Variants in ADGRD2 observed in about 807,000 individuals in gnomAD.
The protein encoded by ADGRD2 is G protein-coupled receptor PGR24.
Under a neutral mutation model 44.4 loss-of-function variants are expected in ADGRD2, and 71 were observed. The observed-to-expected ratio is 1.60, with a 90% CI of 1.32 to 1.95. The LOEUF (loss-of-function observed/expected upper bound fraction) is 1.95, where lower values mean the gene tolerates loss of function less well. Among genes scored for constraint, ADGRD2 ranks in the 30% most tolerant of loss-of-function variants. The probability of loss-of-function intolerance (pLI) is 0.00; values close to 1 mark genes in which losing one functional copy is unlikely to be tolerated. For synonymous variants in ADGRD2, 481 were observed against 224.8 expected (o/e 2.14, Z -10.19); for missense variants, 1,039 against 512.4 (o/e 2.03, Z -9.92).
At chr9:124,468,032 G>T in intron 12 of ADGRD2, 56 bp from the exon 16 acceptor site, 4 of 718,050 alleles carry the variant, frequency 5.6e-6, no homozygotes, top group Non-Finnish European at 1.0e-5. Flanking sequence ...AGGGCCCTAC[G>T]GGGTGTGGGG....
At chr9:124,468,739 C>T in intron 14 of ADGRD2, 67 bp downstream of exon 17, 1 of 658,348 alleles carries the variant, frequency 1.5e-6, no homozygotes, top group Non-Finnish European at 2.8e-6. Flanking sequence ...ACCCTGCCAT[C>T]TAACATGGCC....
intron 10 of ADGRD2, among the ~76,000 whole-genome samples, chr9:124,459,096 A>T (rs1831675537): frequency 6.6e-6 from 1 of 152,202 alleles, no homozygotes; most frequent in Non-Finnish European, 1.5e-5. Flanking sequence ...CAGTGAATTC[A>T]TTCATTCACT....
rs569785637 is a variant in ADGRD2, at chr9:124,470,396, C to A, written c.2638-98C>A. On this transcript the variant is annotated intron_variant, in intron 16 of 21. Transcript: ENST00000334810. ...CCATGGTCCCGGCCCTCAGCTCCCA[C>A]CCCGCTCCAGGCACGTACAGGTGCT... is the stretch of plus-strand genomic sequence containing the variant. The A allele has an allele frequency of 2.6e-5, 16 of 627,256 alleles. No individual in the cohort carries two copies. In the Middle Eastern group the frequency reaches 2.4e-3, roughly 95 times the overall value. The allele number at this position is 627,256 out of a possible 1,614,324, so 38.9% of individuals were successfully genotyped here. A position where few individuals can be genotyped will look rare whatever the true frequency, so the allele number is the denominator to read the frequency against.
chr9:124,474,188 T>C (rs1289319981), intron 17 of ADGRD2, among the ~76,000 whole-genome samples: 2 of 149,944 alleles, frequency 1.3e-5, no homozygotes, highest in African/African-American at 2.5e-5. Context: ...GGAAGGAGAA[T>C]CGCTTGAACC....
At chr9:124,475,405 A>G (rs1832025567) in intron 17 of ADGRD2, 41 bp from the exon 21 acceptor site, 1 of 704,234 alleles carries the variant, frequency 1.4e-6, no homozygotes, top group Non-Finnish European at 2.6e-6. Context: ...GGGATGGGGT[A>G]GGAGGCTCCG....
Position 124,454,583 on chromosome 9 carries a change from CAG to C in ADGRD2, c.1108+15_1108+16del, listed in dbSNP as rs758874570. 9.1e-5 allele frequency: 65 copies of C among 713,126 alleles called. No individual in the cohort carries two copies. Among genetic ancestry groups the C allele is most frequent in the African/African-American group, 8.2e-4 (47 of 57,320 alleles). 44.2% of individuals were successfully genotyped at this position (713,126 alleles called of 1,614,324 possible). On this transcript the variant is annotated intron_variant, in intron 5 of 21. Transcript: ENST00000334810. The surrounding 1 kb of genome is among the most constrained non-coding windows in gnomAD (Gnocchi z 4.5). ...AACGACATTGTGGTGAGCTCCCTCT[CAG>C]GGGCTGGAAAGCCTGGGGGCTCCAT...
At chr9:124,466,439 T>G in intron 11 of ADGRD2, 26 bp downstream of exon 14, 1 of 647,028 alleles carries the variant, frequency 1.5e-6, no homozygotes, top group Non-Finnish European at 2.9e-6. Context: ...GAGGGGGGTG[T>G]CAGGAGGGGG....
At chr9:124,469,223 C>T (rs934304389) in exon 15 of ADGRD2, 4 of 713,094 alleles carry the variant, frequency 5.6e-6, no homozygotes, top group Admixed American at 4.0e-5. Flanking sequence ...CTCTCCCAGG[C>T]GTGCCTGTGG....
At chr9:124,460,966 C>T (rs1831714688) in intron 10 of ADGRD2, among the ~76,000 whole-genome samples, 1 of 152,132 alleles carries the variant, frequency 6.6e-6, no homozygotes, top group African/African-American at 2.4e-5. Context: ...TGCCAACATC[C>T]TTGTCAGTGT....
chr9:124,473,015 G>T (rs1335119013), intron 17 of ADGRD2, among the ~76,000 whole-genome samples: 1 of 152,202 alleles, frequency 6.6e-6, no homozygotes, highest in Non-Finnish European at 1.5e-5. Flanking sequence ...TCAGAGCCCT[G>T]TTCTCTCAGT....
chr9:124,453,166 G>A, exon 3 of ADGRD2: 1 of 698,622 alleles, frequency 1.4e-6, no homozygotes, highest in Non-Finnish European at 2.6e-6. Context: ...TGCCTCGCCC[G>A]ACCCCGCAGC....
At chr9:124,460,897 T>C (rs1831713521) in intron 10 of ADGRD2, among the ~76,000 whole-genome samples, 1 of 152,184 alleles carries the variant, frequency 6.6e-6, no homozygotes. Flanking sequence ...CCCAAAGTGG[T>C]TGAACCATTT....
intron 1 of ADGRD2, 93 bp from the exon 5 acceptor site, chr9:124,452,417 G>C: frequency 1.4e-6 from 1 of 707,826 alleles, no homozygotes; most frequent in Non-Finnish European, 2.6e-6. Flanking sequence ...CAGCCCGAAT[G>C]ACTCCAAGCC....
chr9:124,470,078 T>C (rs1169334653), intron 16 of ADGRD2, among the ~76,000 whole-genome samples: 1 of 151,878 alleles, frequency 6.6e-6, no homozygotes, highest in Non-Finnish European at 1.5e-5. Flanking sequence ...CCACCCATCC[T>C]CCACCAAGCA....
chr9:124,457,826 G>A (rs577286734), intron 8 of ADGRD2, among the ~76,000 whole-genome samples: 39 of 152,330 alleles, frequency 2.6e-4, no homozygotes, highest in African/African-American at 5.5e-4. Context: ...ATCTTCCCTC[G>A]GGAGTGGGTG....
At chr9:124,476,286 C>T (rs1832047352) in intron 19 of ADGRD2, 71 bp from the exon 23 acceptor site, 2 of 651,274 alleles carry the variant, frequency 3.1e-6, no homozygotes, top group South Asian at 1.7e-5. Context: ...GAGGGCCCCA[C>T]TCCCAGGATG....
Position 124,453,681 on chromosome 9 carries a change from G to T in ADGRD2, c.923+5G>T. The T allele has an allele frequency of 2.9e-6, 2 of 696,510 alleles. No homozygotes were observed. Among genetic ancestry groups the T allele is most frequent in the Non-Finnish European group, 5.2e-6 (2 of 382,192 alleles). The allele number at this position is 696,510 out of a possible 1,614,324, so 43.1% of individuals were successfully genotyped here. A position where few individuals can be genotyped will look rare whatever the true frequency, so the allele number is the denominator to read the frequency against. ...GGGTGCGCCTTCTCTGTCCCGGTAC[G>T]ACCCGCCCCGCCCCGGCCCCACCCC... On this transcript the variant is annotated splice_donor_5th_base_variant and intron_variant, in intron 3 of 21. Transcript: ENST00000334810.
chr9:124,478,070 G>A (rs1000024490), intron 21 of ADGRD2, among the ~76,000 whole-genome samples: 3 of 152,112 alleles, frequency 2.0e-5, no homozygotes, highest in African/African-American at 7.2e-5. Context: ...GGAGGCTGCC[G>A]GGCTGTGTCC....
intron 10 of ADGRD2, 64 bp downstream of exon 13, chr9:124,458,785 A>C (rs1229138071): frequency 1.4e-6 from 1 of 696,718 alleles, no homozygotes; most frequent in Non-Finnish European, 2.7e-6. Context: ...AGTTCCCCCA[A>C]CCCCCAGTAT....
Sources: allele counts gnomAD v4.1 joint callset (sites outside exome capture counted in the v4.1 genomes callset), GRCh38; gene constraint gnomAD v4.1.1; non-coding constraint Gnocchi (gnomAD v3.1); transcripts MANE v1.5; gene names NCBI Gene and HGNC (gene_info 2026-07-23, HGNC 2026-07-21).